PDZRN4: variants seen among roughly 807,000 people sequenced by gnomAD.
The protein encoded by PDZRN4 is PDZ domain-containing RING finger protein 4.
A neutral mutation model predicts 99.0 loss-of-function variants in PDZRN4; 70 were observed. That is an observed-to-expected ratio of 0.71 (90% CI 0.58 to 0.86). The LOEUF (loss-of-function observed/expected upper bound fraction) is 0.86, where lower values mean the gene tolerates loss of function less well. Ranked by LOEUF, PDZRN4 falls within the 40% of genes least tolerant of loss-of-function variation. The pLI, the probability that PDZRN4 is intolerant of heterozygous loss-of-function variation, is 0.00. For missense variants in PDZRN4, 1,474 were observed against 1,331.2 expected, an observed-to-expected ratio of 1.11 and a Z score of -1.67; for synonymous variants, 551 against 501.6, an observed-to-expected ratio of 1.10 and a Z score of -1.32.
intron 3 of PDZRN4, among the ~76,000 whole-genome samples, chr12:41,335,368 A>C (rs1951766023): frequency 6.6e-6 from 1 of 151,956 alleles, no homozygotes; most frequent in East Asian, 1.9e-4. Flanking sequence ...GCACCCATTA[A>C]CTTGTCATTT....
intron 3 of PDZRN4, among the ~76,000 whole-genome samples, chr12:41,307,941 T>C (rs1164397134): frequency 6.6e-6 from 1 of 152,070 alleles, no homozygotes; most frequent in Non-Finnish European, 1.5e-5. Context: ...CAACTTTATA[T>C]ATGGAAGAAA....
intron 3 of PDZRN4, among the ~76,000 whole-genome samples, chr12:41,431,436 G>A (rs1952585087): frequency 6.6e-6 from 1 of 152,106 alleles, no homozygotes; most frequent in Non-Finnish European, 1.5e-5. Context: ...CTTGACCCAG[G>A]GCACACTGAC....
At position 41,493,227 on chromosome 12, in the gene PDZRN4, A is replaced by G. The variant is rs193032967; in HGVS notation, c.844-13229A>G. On this transcript the variant is annotated intron_variant, in intron 3 of 9. Coordinates refer to ENST00000402685, the MANE Select transcript of PDZRN4 (RefSeq NM_001164595.2). Reference sequence around the variant, plus strand: ...ATTAATCTTTAGTGATTAAATGTACATAAAATCATCGGAGATGCAAAGTAA... The same window carrying G: ...ATTAATCTTTAGTGATTAAATGTACGTAAAATCATCGGAGATGCAAAGTAA... Among the ~76,000 whole-genome samples, 4 of 152,346 alleles carry G rather than the reference A, an allele frequency of 2.6e-5. No homozygotes were observed. The East Asian group carries it at 7.7e-4, about 29-fold the overall frequency.
intron 3 of PDZRN4, among the ~76,000 whole-genome samples, chr12:41,303,200 ATGT>A (rs1481284986): frequency 1.3e-5 from 2 of 152,130 alleles, no homozygotes; most frequent in African/African-American, 2.4e-5. Context: ...TATTTTTATA[ATGT>A]TGTCAGTGTT....
intron 5 of PDZRN4, among the ~76,000 whole-genome samples, chr12:41,535,978 G>C (rs758479511): frequency 6.6e-6 from 1 of 152,162 alleles, no homozygotes; most frequent in Admixed American, 6.5e-5. Flanking sequence ...GAGGGGTCCT[G>C]TGTGTTTCTT....
chr12:41,257,104 C>T (rs945619839), intron 3 of PDZRN4, among the ~76,000 whole-genome samples: 3 of 152,188 alleles, frequency 2.0e-5, no homozygotes, highest in African/African-American at 7.2e-5. Flanking sequence ...CCAACCTATA[C>T]TCCAAATTGC....
intron 3 of PDZRN4, among the ~76,000 whole-genome samples, chr12:41,319,161 C>G (rs998623629): frequency 6.6e-6 from 1 of 152,166 alleles, no homozygotes; most frequent in African/African-American, 2.4e-5. Context: ...ATTTCAACAA[C>G]AGAGACCTTA....
intron 5 of PDZRN4, among the ~76,000 whole-genome samples, chr12:41,536,221 G>T (rs1938746342): frequency 6.6e-6 from 1 of 152,092 alleles, no homozygotes; most frequent in African/African-American, 2.4e-5. Context: ...AATGCACTAG[G>T]TTTACCTCTA....
intron 3 of PDZRN4, among the ~76,000 whole-genome samples, chr12:41,420,232 T>C (rs1952477731): frequency 6.6e-6 from 1 of 152,134 alleles, no homozygotes; most frequent in Non-Finnish European, 1.5e-5. Context: ...TACCTAAATA[T>C]TGCCTTTACT....
rs1323875371 is a variant in PDZRN4, at chr12:41,560,354, C to T, written c.1366-3194C>T. The stretch of plus-strand genomic sequence containing the variant: ...TCATTTCTAAGCTTTTAGGGCTTTA[C>T]ACACACACATACAAAACACACTCAT... On this transcript the variant is annotated intron_variant, in intron 7 of 9. Coordinates refer to ENST00000402685, the MANE Select transcript of PDZRN4 (RefSeq NM_001164595.2). Among the ~76,000 whole-genome samples, 3 of 152,084 alleles carry T rather than the reference C, an allele frequency of 2.0e-5. No individual in the cohort carries two copies. In the South Asian group the frequency reaches 6.2e-4, roughly 32 times the overall value.
intron 3 of PDZRN4, among the ~76,000 whole-genome samples, chr12:41,380,174 T>G (rs983074420): frequency 1.3e-5 from 2 of 152,106 alleles, no homozygotes; most frequent in Non-Finnish European, 2.9e-5. Flanking sequence ...TGCTCTCTTT[T>G]GATTTTCATT....
chr12:41,311,733 A>T (rs1433763895), intron 3 of PDZRN4, among the ~76,000 whole-genome samples: 1 of 152,174 alleles, frequency 6.6e-6, no homozygotes, highest in Non-Finnish European at 1.5e-5. Flanking sequence ...TGAGTTATTG[A>T]TGCTCTGTAG....
At chr12:41,271,327 A>C (rs1417426972) in intron 3 of PDZRN4, among the ~76,000 whole-genome samples, 1 of 152,130 alleles carries the variant, frequency 6.6e-6, no homozygotes, top group South Asian at 2.1e-4. Context: ...GGTACAAAAA[A>C]TATGGGTCAA....
chr12:41,479,446 T>C (rs1328925372), intron 3 of PDZRN4, among the ~76,000 whole-genome samples: 1 of 152,186 alleles, frequency 6.6e-6, no homozygotes, highest in Non-Finnish European at 1.5e-5. Flanking sequence ...ACTCCTCATG[T>C]GCATGGGATT....
At chr12:41,479,164 G>A (rs868677696) in intron 3 of PDZRN4, among the ~76,000 whole-genome samples, 18 of 152,150 alleles carry the variant, frequency 1.2e-4, no homozygotes, top group Admixed American at 2.6e-4. Flanking sequence ...GATACAGTAG[G>A]GGACAGATAA....
At chr12:41,523,858 T>C (rs1159698582) in intron 5 of PDZRN4, among the ~76,000 whole-genome samples, 1 of 152,138 alleles carries the variant, frequency 6.6e-6, no homozygotes, top group African/African-American at 2.4e-5. Context: ...TACTAGTGTA[T>C]ATTGACTCAT....
At chr12:41,455,214 A>C (rs1952808410) in intron 3 of PDZRN4, among the ~76,000 whole-genome samples, 1 of 152,218 alleles carries the variant, frequency 6.6e-6, no homozygotes, top group Admixed American at 6.5e-5. Flanking sequence ...AACTGAAATG[A>C]AATATAAATT....
chr12:41,493,573 C>G (rs1368167459), intron 3 of PDZRN4, among the ~76,000 whole-genome samples: 1 of 152,066 alleles, frequency 6.6e-6, no homozygotes, highest in Non-Finnish European at 1.5e-5. Context: ...AAGTGCCGCC[C>G]CAAATATTAT....
rs112787721 is a variant in PDZRN4, at chr12:41,557,148, C to CAAAA, written c.1365+1410_1365+1413dup. Among the ~76,000 whole-genome samples the CAAAA allele has an allele frequency of 7.9e-3, 450 of 57,220 alleles. 4 individuals carry two copies. Among genetic ancestry groups the CAAAA allele is most frequent in the Non-Finnish European group, 0.014 (298 of 21,102 alleles). The allele number at this position is 57,220 out of a possible 152,430, so 37.5% of individuals were successfully genotyped here. On this transcript the variant is annotated intron_variant, in intron 7 of 9. Coordinates refer to ENST00000402685, the MANE Select transcript of PDZRN4 (RefSeq NM_001164595.2). ...CCTGGATGACAGAGTGAGACACTCT[C>CAAAA]AAAAAAAAAAAAAAAAAAAAAAAAA...
Sources: gnomAD v4.1 joint callset for allele counts (sites outside exome capture counted in the v4.1 genomes callset) on GRCh38, gnomAD v4.1.1 for gene constraint, MANE v1.5 for transcripts, NCBI Gene and HGNC (gene_info 2026-07-23, HGNC 2026-07-21) for gene names.